ACSS3: variants seen among roughly 807,000 people sequenced by gnomAD.
ACSS3 encodes the protein acyl-CoA synthetase short-chain family member 3, mitochondrial.
Under a neutral mutation model 84.2 loss-of-function variants are expected in ACSS3, and 64 were observed. That is an observed-to-expected ratio of 0.76 (90% CI 0.62 to 0.94). The LOEUF (loss-of-function observed/expected upper bound fraction) is 0.94, where lower values mean the gene tolerates loss of function less well. Among genes scored for constraint, ACSS3 ranks in the 40% least tolerant of loss-of-function variants. ACSS3 has a pLI of 0.00. For synonymous variants in ACSS3, 317 were observed against 310.1 expected, an observed-to-expected ratio of 1.02 and a Z score of -0.23; for missense variants, 815 against 867.6, an observed-to-expected ratio of 0.94 and a Z score of 0.76.
At chr12:81,133,200 T>C (rs1885615343) in intron 2 of ACSS3, among the ~76,000 whole-genome samples, 1 of 151,780 alleles carries the variant, frequency 6.6e-6, no homozygotes, top group Non-Finnish European at 1.5e-5. Context: ...AGTGAATAAA[T>C]AGAAAAGAGA....
In ACSS3 at chr12:81,143,147, A is replaced by G; in HGVS notation, c.821A>G (p.Asp274Gly). Reference protein sequence around the residue: ...PLAPGRDLDWDEEMAKAQSHD... With the variant: ...PLAPGRDLDWGEEMAKAQSHD... ...GCTCCCGGTCGTGACCTTGATTGGGATGAAGAGATGGCAAAAGCCCAGTCA... is the reference window on the plus strand; with the variant it reads ...GCTCCCGGTCGTGACCTTGATTGGGGTGAAGAGATGGCAAAAGCCCAGTCA... The change falls in exon 5 of 16, where the codon GAT becomes GGT. Residue 274 changes from aspartate (D) to glycine (G), a missense_variant. Physicochemically the swap from Asp to Gly is moderately conservative, Grantham distance 94 (BLOSUM62 -1). Transcript: ENST00000548058. 1 of 1,613,810 alleles carries G rather than the reference A, an allele frequency of 6.2e-7. No homozygotes were observed. The highest frequency in any genetic ancestry group is 8.5e-7 in the Non-Finnish European group (1 of 1,179,772).
chr12:81,216,877 GATAA>G lies in ACSS3; in HGVS notation c.1355-19_1355-16del, dbSNP rs762458824. 3 of 1,580,572 alleles carry G rather than the reference GATAA, an allele frequency of 1.9e-6. No individual in the cohort carries two copies. Among genetic ancestry groups the G allele is most frequent in the Non-Finnish European group, 2.6e-6 (3 of 1,151,680 alleles). ...ATGATTCCAAGTTAAAACATGAAGT[GATAA>G]ATAACATTTCTTTTTCCAGAGACTG... On this transcript the variant is annotated intron_variant, in intron 9 of 15. Coordinates refer to ENST00000548058, the MANE Select transcript of ACSS3 (RefSeq NM_024560.4).
In ACSS3 at chr12:81,123,196, C is replaced by T. The variant is rs114595398; in HGVS notation, c.457-11620C>T. Reference sequence around the variant, plus strand: ...TCTCTTGAGGTGGGATAAATTGAATCCTGTGGTGAATGGTGGAGGGAAAGG... The same window carrying T: ...TCTCTTGAGGTGGGATAAATTGAATTCTGTGGTGAATGGTGGAGGGAAAGG... On this transcript the variant is annotated intron_variant, in intron 2 of 15. Coordinates refer to ENST00000548058, the MANE Select transcript of ACSS3 (RefSeq NM_024560.4). Among the ~76,000 whole-genome samples, 682 of 152,072 alleles carry T rather than the reference C, an allele frequency of 4.5e-3. 4 individuals carry two copies. The highest frequency in any genetic ancestry group is 0.016 in the African/African-American group (646 of 41,460).
intron 13 of ACSS3, among the ~76,000 whole-genome samples, chr12:81,243,866 G>T (rs932972376): frequency 1.3e-5 from 2 of 152,078 alleles, no homozygotes; most frequent in Admixed American, 6.6e-5. Context: ...AAACTTATCT[G>T]TGAGGTAAAT....
intron 8 of ACSS3, among the ~76,000 whole-genome samples, chr12:81,184,188 A>G (rs2031115889): frequency 6.6e-6 from 1 of 152,010 alleles, no homozygotes; most frequent in African/African-American, 2.4e-5. Context: ...GCTCTTGAAC[A>G]ATCAATGGGT....
chr12:81,230,150 T>C (rs1401537784), intron 11 of ACSS3, among the ~76,000 whole-genome samples: 3 of 151,870 alleles, frequency 2.0e-5, no homozygotes, highest in Non-Finnish European at 4.4e-5. Context: ...GTTTTTATTG[T>C]GTAAATGTGG....
At chr12:81,125,809 A>C (rs1885051152) in intron 2 of ACSS3, 1 of 152,200 alleles carries the variant, frequency 6.6e-6, no homozygotes. Flanking sequence ...TCTCAAATTT[A>C]AACGTGTCCA....
intron 7 of ACSS3, among the ~76,000 whole-genome samples, chr12:81,158,727 T>C (rs925334688): frequency 2.6e-5 from 4 of 152,162 alleles, no homozygotes; most frequent in African/African-American, 9.6e-5. Context: ...TACTTGTCTG[T>C]TAGATTTCAG....
At chr12:81,145,150 T>C (rs1426121514) in intron 5 of ACSS3, among the ~76,000 whole-genome samples, 1 of 146,378 alleles carries the variant, frequency 6.8e-6, no homozygotes, top group African/African-American at 2.5e-5. Context: ...TCTCCTGACC[T>C]CGTGATCCAC....
At chr12:81,234,710 C>T (rs942573925) in intron 13 of ACSS3, among the ~76,000 whole-genome samples, 1 of 151,324 alleles carries the variant, frequency 6.6e-6, no homozygotes, top group South Asian at 2.1e-4. Context: ...GATGAGGTAT[C>T]TGTTAAAATC....
intron 8 of ACSS3, among the ~76,000 whole-genome samples, chr12:81,185,761 A>T (rs1853851439): frequency 6.6e-6 from 1 of 151,876 alleles, no homozygotes; most frequent in African/African-American, 2.4e-5. Flanking sequence ...AGGATTTAAT[A>T]TTATTAAAAT....
At chr12:81,195,438 G>A (rs1040171076) in intron 8 of ACSS3, among the ~76,000 whole-genome samples, 5 of 152,016 alleles carry the variant, frequency 3.3e-5, no homozygotes, top group Non-Finnish European at 7.4e-5. Context: ...ATAATTTAAT[G>A]TTTAAATAAT....
rs569371591 is a variant in ACSS3, at chr12:81,078,974, C to T, written c.311+543C>T. ...TGAACTGTGACTGAGACAGTGACTG[C>T]CAATGATTGTGTTGGCTGGAGAGGT... On this transcript the variant is annotated intron_variant, in intron 1 of 15. Transcript: ENST00000548058. Among the ~76,000 whole-genome samples, 23 of 152,202 alleles carry T rather than the reference C, an allele frequency of 1.5e-4. No individual in the cohort carries two copies. The East Asian group carries it at 4.1e-3, about 27-fold the overall frequency.
intron 8 of ACSS3, among the ~76,000 whole-genome samples, chr12:81,199,054 A>G (rs2031979095): frequency 6.6e-6 from 1 of 152,202 alleles, no homozygotes; most frequent in Non-Finnish European, 1.5e-5. Context: ...TTAGATGAAC[A>G]TGGCAGATCG....
intron 11 of ACSS3, among the ~76,000 whole-genome samples, chr12:81,222,232 T>C (rs960551415): frequency 1.3e-5 from 2 of 152,068 alleles, no homozygotes; most frequent in African/African-American, 2.4e-5. Flanking sequence ...TAATATGTTA[T>C]GACAAACAGT....
chr12:81,123,062 TAA>T (rs34274382), intron 2 of ACSS3, among the ~76,000 whole-genome samples: 11 of 151,624 alleles, frequency 7.3e-5, no homozygotes, highest in Admixed American at 6.6e-5. Context: ...GCATTTGCAG[TAA>T]AAAAAATCAA....
rs532795193 is a variant in ACSS3 at position 81,129,993 on chromosome 12, T to C, written c.457-4823T>C. ...TGGCTGCATAGTATTCCGTGGTGTA[T>C]ATGTGCCACATTTTCTTAATCCAAT... On this transcript the variant is annotated intron_variant, in intron 2 of 15. Coordinates refer to ENST00000548058, the MANE Select transcript of ACSS3 (RefSeq NM_024560.4). 3.3e-5 allele frequency among the ~76,000 whole-genome samples: 5 copies of C among 152,328 alleles called. No individual in the cohort carries two copies. In the South Asian group the frequency reaches 1.0e-3, roughly 32 times the overall value.
chr12:81,223,727 C>T lies in ACSS3; in HGVS notation c.1514+3651C>T, dbSNP rs147846505. Among the ~76,000 whole-genome samples, 575 of 151,990 alleles carry T rather than the reference C, an allele frequency of 3.8e-3. 3 individuals are homozygous for T. Among genetic ancestry groups the T allele is most frequent in the African/African-American group, 0.013 (534 of 41,500 alleles). ...TAAAAATAACTTCATATGAAAATCT[C>T]GAGAAAATCCTAAGGACCCCATAGG... On this transcript the variant is annotated intron_variant, in intron 11 of 15. Coordinates refer to ENST00000548058, the MANE Select transcript of ACSS3 (RefSeq NM_024560.4).
chr12:81,215,762 G>A (rs978259056), intron 9 of ACSS3, among the ~76,000 whole-genome samples: 5 of 152,118 alleles, frequency 3.3e-5, no homozygotes, highest in African/African-American at 1.2e-4. Context: ...TCAAAAGATT[G>A]TGTTAACTCC....
Sources: allele counts gnomAD v4.1 joint callset (sites outside exome capture counted in the v4.1 genomes callset), GRCh38; gene constraint gnomAD v4.1.1; transcripts MANE v1.5; gene names NCBI Gene and HGNC (gene_info 2026-07-23, HGNC 2026-07-21).